Variants in PLEKHG3 observed in about 807,000 individuals in gnomAD.
PLEKHG3 encodes pleckstrin homology and RhoGEF domain containing G3.
PLEKHG3 carries 62 observed loss-of-function variants against 94.9 expected under a neutral mutation model. The observed-to-expected ratio is 0.65, with a 90% CI of 0.53 to 0.81. The LOEUF is 0.81. PLEKHG3 is among the 30% of genes least tolerant of loss of function. The pLI, the probability that PLEKHG3 is intolerant of heterozygous loss-of-function variation, is 0.00. For missense variants in PLEKHG3, 1,461 were observed against 1,619.3 expected (o/e 0.90, Z 1.68); for synonymous variants, 614 against 654.0 (o/e 0.94, Z 0.93).
rs533830098 is a variant in PLEKHG3, at chr14:64,727,334, T to A, written c.-39-259T>A. The stretch of plus-strand genomic sequence containing the variant: ...TTCAGTTTTGTTTTGTTAATTGTGT[T>A]AAATGTAAATACACATAACATAAAA... On this transcript the variant is annotated intron_variant, in intron 1 of 16. Coordinates refer to ENST00000247226, the MANE Select transcript of PLEKHG3 (RefSeq NM_001308147.2). The surrounding 1 kb of genome is among the most constrained non-coding windows in gnomAD (Gnocchi z 6.0). Among the ~76,000 whole-genome samples the A allele has an allele frequency of 6.6e-6, 1 of 152,286 alleles. No homozygotes were observed. The highest frequency in any genetic ancestry group is 2.1e-4 in the South Asian group (1 of 4,826).
In PLEKHG3 at chr14:64,736,833, G is replaced by A. The variant is rs748415375; in HGVS notation, c.1346-20G>A. On this transcript the variant is annotated intron_variant, in intron 12 of 16. Transcript: ENST00000247226. The stretch of plus-strand genomic sequence containing the variant: ...CAGTTTCCTGGCCCGCGCTGACTCT[G>A]CTCATGCTTTCCTCCTCAGAGCCAA... The A allele has an allele frequency of 5.6e-6, 9 of 1,606,604 alleles. No homozygotes were observed. The highest frequency in any genetic ancestry group is 7.7e-6 in the Non-Finnish European group (9 of 1,173,402).
chr14:64,723,444 G>C lies in PLEKHG3; in HGVS notation c.-39-4149G>C, dbSNP rs374724024. On this transcript the variant is annotated intron_variant, in intron 1 of 16. Coordinates refer to ENST00000247226, the MANE Select transcript of PLEKHG3 (RefSeq NM_001308147.2). This position sits in a 1 kb window ranked among gnomAD's most constrained non-coding sequence, Gnocchi z 4.5. The stretch of plus-strand genomic sequence containing the variant: ...GACCCTGCCTCAAAAAAAGAGAAAA[G>C]TCTTTGGGGACCTGCTCAAAGAAGG... 9.2e-5 allele frequency among the ~76,000 whole-genome samples: 14 copies of C among 152,214 alleles called. No individual in the cohort carries two copies. The highest frequency in any genetic ancestry group is 3.4e-4 in the African/African-American group (14 of 41,524).
Position 64,743,579 on chromosome 14 carries a change from A to G in PLEKHG3, c.3536A>G (p.Asp1179Gly), listed in dbSNP as rs904228814. 19 of 1,612,926 alleles carry G rather than the reference A, an allele frequency of 1.2e-5. No homozygotes were observed. Among genetic ancestry groups the G allele is most frequent in the Non-Finnish European group, 1.6e-5 (19 of 1,179,964 alleles). Residue 1179 changes from aspartate to glycine, a missense_variant, in exon 17 of 17, where the codon GAC (aspartate) becomes GGC (glycine). Asp to Gly is a moderately conservative substitution (Grantham distance 94). This residue lies in a region of PLEKHG3 where 1,201 missense variants were observed against 1,295.5 expected (regional missense o/e 0.93). Transcript: ENST00000247226. The surrounding 1 kb of genome is among the most constrained non-coding windows in gnomAD (Gnocchi z 7.2). ...SPVALLGQVQ[D>G]FQQSAECQPK... ...GTGGCCCTGCTGGGGCAGGTTCAGG[A>G]CTTCCAGCAGTCTGCAGAGTGCCAG...
intron 12 of PLEKHG3, among the ~76,000 whole-genome samples, chr14:64,735,364 C>A (rs950384661): frequency 6.6e-6 from 1 of 152,202 alleles, no homozygotes; most frequent in African/African-American, 2.4e-5. Context: ...GTAATCCTAG[C>A]ACCTTGGGAG....
rs2081304147 is a variant in PLEKHG3, at chr14:64,723,744, G to GC, written c.-39-3843dup. ...TCAAACTCCTGACCTCAAGTGATCT[G>GC]CCCCCCTCTGCCTCCCACAGTGCTG... On this transcript the variant is annotated intron_variant, in intron 1 of 16. Transcript: ENST00000247226. The surrounding 1 kb of genome is among the most constrained non-coding windows in gnomAD (Gnocchi z 4.5). 2.0e-5 allele frequency: 3 copies of GC among 152,230 alleles called. No individual in the cohort carries two copies. Among genetic ancestry groups the GC allele is most frequent in the East Asian group, 1.9e-4 (1 of 5,162 alleles). The allele number at this position is 152,230 out of a possible 1,614,324, so 9.4% of individuals were successfully genotyped here.
At position 64,749,231 on chromosome 14, in the gene PLEKHG3, G is replaced by A. The variant is rs559973555; in HGVS notation, c.*5528G>A. 201 of 1,507,020 alleles carry A rather than the reference G, an allele frequency of 1.3e-4. No homozygotes were observed. The highest frequency in any genetic ancestry group is 9.2e-4 in the Middle Eastern group (5 of 5,410). 93.4% of individuals were successfully genotyped at this position (1,507,020 alleles called of 1,614,324 possible). On this transcript the variant is annotated 3_prime_UTR_variant, in exon 17 of 17. Transcript: ENST00000247226. The surrounding 1 kb of genome is among the most constrained non-coding windows in gnomAD (Gnocchi z 4.7). Reference sequence around the variant, plus strand: ...CATCTCGATTCGACCGGCGGGCGGCGGCGAGAGGAGGCCAAGGCCTGGGCT... The same window carrying A: ...CATCTCGATTCGACCGGCGGGCGGCAGCGAGAGGAGGCCAAGGCCTGGGCT...
rs1283022461 is a variant in PLEKHG3 at position 64,745,211 on chromosome 14, A to G, written c.*1508A>G. 1 of 152,256 alleles carries G rather than the reference A, an allele frequency of 6.6e-6. No individual in the cohort carries two copies. The highest frequency in any genetic ancestry group is 2.4e-5 in the African/African-American group (1 of 41,452). The allele number at this position is 152,256 out of a possible 1,614,324, so 9.4% of individuals were successfully genotyped here. A position where few individuals can be genotyped will look rare whatever the true frequency, so the allele number is the denominator to read the frequency against. ...TTCTCAGAAGTATCTTTGATTCAGA[A>G]GAGTTAGGAATGCCTCCCTATTTCA... On this transcript the variant is annotated 3_prime_UTR_variant, in exon 17 of 17. Coordinates refer to ENST00000247226, the MANE Select transcript of PLEKHG3 (RefSeq NM_001308147.2). The surrounding 1 kb of genome is among the most constrained non-coding windows in gnomAD (Gnocchi z 5.0).
chr14:64,716,872 G>C lies in PLEKHG3; in HGVS notation c.-39-10721G>C, dbSNP rs779725418. ...TGGGATTGGGTAATACTGCCCCACC[G>C]GTCTGAATTCTGGTCCATGTACGCT... On this transcript the variant is annotated intron_variant, in intron 1 of 16. Coordinates refer to ENST00000247226, the MANE Select transcript of PLEKHG3 (RefSeq NM_001308147.2). This position sits in a 1 kb window ranked among gnomAD's most constrained non-coding sequence, Gnocchi z 5.0. 6.6e-6 allele frequency among the ~76,000 whole-genome samples: 1 copy of C among 152,180 alleles called. No homozygotes were observed. The highest frequency in any genetic ancestry group is 1.5e-5 in the Non-Finnish European group (1 of 68,028).
At chr14:64,742,833 C>T (rs879750625) in intron 16 of PLEKHG3, 149 bp from the exon 17 acceptor site, 4 of 731,324 alleles carry the variant, frequency 5.5e-6, no homozygotes, top group African/African-American at 1.7e-5. Context: ...ATGAAAGAGG[C>T]TGTGGATGGT....
rs559920583 is a variant in PLEKHG3, at chr14:64,717,853, T to C, written c.-39-9740T>C. The stretch of plus-strand genomic sequence containing the variant: ...ATGGTTTGGACCTTTTTAGGGCACA[T>C]TCTGACACCTCGTCTCATGGAGCCC... On this transcript the variant is annotated intron_variant, in intron 1 of 16. Transcript: ENST00000247226. This position sits in a 1 kb window ranked among gnomAD's most constrained non-coding sequence, Gnocchi z 4.7. Among the ~76,000 whole-genome samples, 15 of 152,382 alleles carry C rather than the reference T, an allele frequency of 9.8e-5. No homozygotes were observed. The highest frequency in any genetic ancestry group is 5.9e-4 in the Admixed American group (9 of 15,308).
At chr14:64,733,414 C>T (rs937910582) in intron 12 of PLEKHG3, among the ~76,000 whole-genome samples, 5 of 152,076 alleles carry the variant, frequency 3.3e-5, no homozygotes, top group African/African-American at 9.7e-5. Flanking sequence ...GTGATCCGCC[C>T]GTCTCGGACT....
chr14:64,731,722 C>T lies in PLEKHG3; in HGVS notation c.1041C>T (p.Ser347=). Residue 347 remains serine (S), a synonymous_variant, in exon 9 of 17, where the codon TCC becomes TCT. Coordinates refer to ENST00000247226, the MANE Select transcript of PLEKHG3 (RefSeq NM_001308147.2). This position sits in a 1 kb window ranked among gnomAD's most constrained non-coding sequence, Gnocchi z 6.1. ...TTTCCCTCTGCCCCTAGTGCTCCTC[C>T]CTGATGCTGATCGAAAGCACCAGAG... is the stretch of plus-strand genomic sequence containing the variant. The part of the protein sequence containing the change: ...FVYKGNIPCS[S]LMLIESTRDS... 1 of 1,612,542 alleles carries T rather than the reference C, an allele frequency of 6.2e-7. No individual in the cohort carries two copies. Among genetic ancestry groups the T allele is most frequent in the Non-Finnish European group, 8.5e-7 (1 of 1,178,616 alleles).
At position 64,732,986 on chromosome 14, in the gene PLEKHG3, G is replaced by A. The variant is rs995336979; in HGVS notation, c.1345+85G>A. The A allele has an allele frequency of 3.6e-6, 3 of 844,876 alleles. No homozygotes were observed. The highest frequency in any genetic ancestry group is 1.7e-5 in the African/African-American group (1 of 59,382). The allele number at this position is 844,876 out of a possible 1,614,324, so 52.3% of individuals were successfully genotyped here. On this transcript the variant is annotated intron_variant, in intron 12 of 16. Coordinates refer to ENST00000247226, the MANE Select transcript of PLEKHG3 (RefSeq NM_001308147.2). This position sits in a 1 kb window ranked among gnomAD's most constrained non-coding sequence, Gnocchi z 4.9. Reference sequence around the variant, plus strand: ...ACCGTCTGCGGCAGTGTCCAGGGCTGTGGCTCTCACCTCTGCGGAAACCCT... The same window carrying A: ...ACCGTCTGCGGCAGTGTCCAGGGCTATGGCTCTCACCTCTGCGGAAACCCT...
Position 64,743,860 on chromosome 14 carries a change from C to A in PLEKHG3, c.*157C>A. 1.4e-6 allele frequency: 1 copy of A among 739,984 alleles called. No individual in the cohort carries two copies. Among genetic ancestry groups the A allele is most frequent in the Non-Finnish European group, 2.1e-6 (1 of 478,894 alleles). 45.8% of individuals were successfully genotyped at this position (739,984 alleles called of 1,614,324 possible). A position where few individuals can be genotyped will look rare whatever the true frequency, so the allele number is the denominator to read the frequency against. On this transcript the variant is annotated 3_prime_UTR_variant, in exon 17 of 17. Coordinates refer to ENST00000247226, the MANE Select transcript of PLEKHG3 (RefSeq NM_001308147.2). This position sits in a 1 kb window ranked among gnomAD's most constrained non-coding sequence, Gnocchi z 7.2. The stretch of plus-strand genomic sequence containing the variant: ...CCTTCAGGAAGGATGCTCCCGTGTG[C>A]AGGGGTCTCCTGCCTGTGCCATCCA...
At chr14:64,710,528 G>A (rs1202143726) in intron 1 of PLEKHG3, among the ~76,000 whole-genome samples, 7 of 152,120 alleles carry the variant, frequency 4.6e-5, no homozygotes. Context: ...AAAATTAGCT[G>A]GGCATGGTGG....
At chr14:64,733,339 A>G (rs2081510596) in intron 12 of PLEKHG3, among the ~76,000 whole-genome samples, 1 of 147,918 alleles carries the variant, frequency 6.8e-6, no homozygotes, top group African/African-American at 2.6e-5. Context: ...TAATTTTTGT[A>G]TTTTTTAGTA....
intron 1 of PLEKHG3, among the ~76,000 whole-genome samples, chr14:64,707,505 A>T (rs964573728): frequency 2.0e-5 from 3 of 152,262 alleles, no homozygotes; most frequent in African/African-American, 7.2e-5. Context: ...TTATTGACCC[A>T]GTGGAGCTGA....
intron 1 of PLEKHG3, among the ~76,000 whole-genome samples, chr14:64,711,286 C>G (rs1038254881): frequency 1.3e-5 from 2 of 152,212 alleles, no homozygotes; most frequent in Non-Finnish European, 2.9e-5. Context: ...TACAGAGGTT[C>G]CAGCTGGCCA....
chr14:64,724,420 CG>C (rs2081317784), intron 1 of PLEKHG3, among the ~76,000 whole-genome samples: 1 of 152,052 alleles, frequency 6.6e-6, no homozygotes, highest in African/African-American at 2.4e-5. Context: ...GCCTTGTGAT[CG>C]TGGGTCTCCT....
Sources: allele counts gnomAD v4.1 joint callset (sites outside exome capture counted in the v4.1 genomes callset), GRCh38; gene constraint gnomAD v4.1.1; regional missense constraint gnomAD v4.1.1; non-coding constraint Gnocchi (gnomAD v3.1); transcripts MANE v1.5; gene names NCBI Gene and HGNC (gene_info 2026-07-23, HGNC 2026-07-21).